The following ADCY2 variants were observed in gnomAD, a reference collection of about 807,000 sequenced individuals.
The protein encoded by ADCY2 is adenylate cyclase type 2.
A neutral mutation model predicts 125.2 loss-of-function variants in ADCY2; 31 were observed. The observed-to-expected ratio is 0.25, with a 90% confidence interval of 0.19 to 0.33. The LOEUF (loss-of-function observed/expected upper bound fraction) is 0.33. ADCY2 is among the 10% of genes least tolerant of loss of function. The pLI is 1.00. For synonymous variants in ADCY2, 512 were observed against 548.4 expected, an observed-to-expected ratio of 0.93 and a Z score of 0.93; for missense variants, 904 against 1,418.2, an observed-to-expected ratio of 0.64 and a Z score of 5.82.
chr5:7,820,485 C>A (rs1442453444), intron 23 of ADCY2, 80 bp from the exon 24 acceptor site: 1 of 1,521,556 alleles, frequency 6.6e-7, no homozygotes, highest in Non-Finnish European at 8.9e-7. Flanking sequence ...CAGAATAAGA[C>A]CCCATCTCAA....
At chr5:7,736,413 C>A (rs1742254646) in intron 14 of ADCY2, among the ~76,000 whole-genome samples, 1 of 152,094 alleles carries the variant, frequency 6.6e-6, no homozygotes, top group Non-Finnish European at 1.5e-5. Context: ...TAAGAATGAT[C>A]ATCCCTGCTT....
intron 2 of ADCY2, among the ~76,000 whole-genome samples, chr5:7,428,791 A>G (rs1475153663): frequency 6.6e-6 from 1 of 152,236 alleles, no homozygotes; most frequent in Non-Finnish European, 1.5e-5. Flanking sequence ...GTCAAAGGAT[A>G]CTATGGGAAA....
chr5:7,719,405 A>G (rs1227466356), intron 12 of ADCY2, among the ~76,000 whole-genome samples: 2 of 152,210 alleles, frequency 1.3e-5, no homozygotes, highest in African/African-American at 4.8e-5. Flanking sequence ...GATTAACCTC[A>G]GTTACACTTT....
chr5:7,546,339 G>T (rs1343777112), intron 3 of ADCY2, among the ~76,000 whole-genome samples: 2 of 152,174 alleles, frequency 1.3e-5, no homozygotes, highest in African/African-American at 4.8e-5. Flanking sequence ...CATTTATTCA[G>T]GGCTTCCTAT....
At chr5:7,752,927 C>G (rs1298554546) in intron 15 of ADCY2, among the ~76,000 whole-genome samples, 1 of 120,830 alleles carries the variant, frequency 8.3e-6, no homozygotes, top group Non-Finnish European at 1.6e-5. Context: ...GAGACACAGT[C>G]TTGCTCTGTC....
At chr5:7,676,135 T>C (rs2126709625) in intron 4 of ADCY2, among the ~76,000 whole-genome samples, 1 of 152,282 alleles carries the variant, frequency 6.6e-6, no homozygotes, top group East Asian at 1.9e-4. Flanking sequence ...TTGATGTGAG[T>C]TTCAGTTTTG....
intron 2 of ADCY2, among the ~76,000 whole-genome samples, chr5:7,520,245 G>T (rs555433705): frequency 1.3e-5 from 2 of 152,236 alleles, no homozygotes; most frequent in East Asian, 1.9e-4. Flanking sequence ...CCATCCACAG[G>T]CTGTTTTATT....
chr5:7,402,513 A>G (rs904681876), intron 1 of ADCY2, among the ~76,000 whole-genome samples: 2 of 152,158 alleles, frequency 1.3e-5, no homozygotes, highest in Non-Finnish European at 2.9e-5. Context: ...GGGTAGACAC[A>G]GTAAGAAAAA....
chr5:7,764,560 TG>T (rs1743325282), intron 16 of ADCY2, among the ~76,000 whole-genome samples: 1 of 152,142 alleles, frequency 6.6e-6, no homozygotes, highest in Non-Finnish European at 1.5e-5. Context: ...ATTCGAAAAA[TG>T]TAATTCTGAT....
chr5:7,741,401 A>C lies in ADCY2; in HGVS notation c.1872-2267A>C, dbSNP rs553483347. Among the ~76,000 whole-genome samples the C allele has an allele frequency of 5.2e-4, 79 of 152,262 alleles. 2 individuals carry two copies. The highest frequency in any genetic ancestry group is 8.2e-4 in the Non-Finnish European group (56 of 68,016). On this transcript the variant is annotated intron_variant, in intron 14 of 24. Coordinates refer to ENST00000338316, the MANE Select transcript of ADCY2 (RefSeq NM_020546.3). ...AAATGAGGTAATAATACTAACTACT[A>C]TATAGGATTATTGTGAGGATAAAGT...
intron 4 of ADCY2, among the ~76,000 whole-genome samples, chr5:7,648,525 T>C (rs930954062): frequency 1.6e-4 from 24 of 152,282 alleles, no homozygotes; most frequent in East Asian, 7.7e-4. Flanking sequence ...TAATAAGCAC[T>C]CACTGCAACA....
At chr5:7,494,668 A>G (rs1027877672) in intron 2 of ADCY2, among the ~76,000 whole-genome samples, 6 of 152,156 alleles carry the variant, frequency 3.9e-5, no homozygotes, top group Non-Finnish European at 7.3e-5. Context: ...GTTAGTGGTT[A>G]CGGAGGCAGA....
At position 7,786,163 on chromosome 5, in the gene ADCY2, G is replaced by A. The variant is rs370406533; in HGVS notation, c.2469+1714G>A. On this transcript the variant is annotated intron_variant, in intron 19 of 24. Coordinates refer to ENST00000338316, the MANE Select transcript of ADCY2 (RefSeq NM_020546.3). ...TCTTTAACACCAGCTATAAATCACC[G>A]AATCTATATAAGACACCGTGGGAAA... Among the ~76,000 whole-genome samples the A allele has an allele frequency of 3.9e-5, 6 of 152,200 alleles. No individual in the cohort carries two copies. In the South Asian group the frequency reaches 6.2e-4, roughly 16 times the overall value.
intron 3 of ADCY2, among the ~76,000 whole-genome samples, chr5:7,574,701 G>A (rs1199499474): frequency 2.0e-5 from 3 of 152,230 alleles, no homozygotes; most frequent in Admixed American, 1.3e-4. Context: ...GATCCCAGAT[G>A]TAGAGGAGAA....
At chr5:7,507,440 C>CT (rs1743876972) in intron 2 of ADCY2, among the ~76,000 whole-genome samples, 1 of 46,984 alleles carries the variant, frequency 2.1e-5, no homozygotes, top group Non-Finnish European at 4.0e-5. Flanking sequence ...GACTCCGTCT[C>CT]AAAAAAAAAA....
intron 3 of ADCY2, among the ~76,000 whole-genome samples, chr5:7,535,946 G>A (rs1267098972): frequency 2.0e-5 from 3 of 152,164 alleles, no homozygotes; most frequent in Admixed American, 2.0e-4. Flanking sequence ...AGAGAAGGTC[G>A]CCATTTTGAT....
At chr5:7,457,970 C>G (rs1741761109) in intron 2 of ADCY2, among the ~76,000 whole-genome samples, 1 of 152,200 alleles carries the variant, frequency 6.6e-6, no homozygotes, top group Admixed American at 6.5e-5. Flanking sequence ...TTATTTCAAG[C>G]ATAGTTTCCT....
In ADCY2 at chr5:7,398,468, C is replaced by T. The variant is rs577236565; in HGVS notation, c.210+1962C>T. ...GGTACCCTTTTCAAAGCGTTTTCCA[C>T]GCATCTTTACTTTTCCTTGATAAAT... On this transcript the variant is annotated intron_variant, in intron 1 of 24. Transcript: ENST00000338316. Among the ~76,000 whole-genome samples the T allele has an allele frequency of 1.1e-4, 16 of 152,326 alleles. No individual in the cohort carries two copies. In the South Asian group the frequency reaches 1.4e-3, roughly 14 times the overall value.
chr5:7,589,495 AAAG>A (rs1457325350), intron 3 of ADCY2, among the ~76,000 whole-genome samples: 54 of 65,176 alleles, frequency 8.3e-4, no homozygotes, highest in African/African-American at 1.9e-3. Context: ...AGAAAGAAAG[AAAG>A]AAAGAAAGAA....
Sources: gnomAD v4.1 joint callset for allele counts (sites outside exome capture counted in the v4.1 genomes callset) on GRCh38, gnomAD v4.1.1 for gene constraint, MANE v1.5 for transcripts, NCBI Gene and HGNC (gene_info 2026-07-23, HGNC 2026-07-21) for gene names.